Variants in TEX26 observed in about 807,000 individuals in gnomAD.
The protein encoded by TEX26 is testis expressed 26.
In TEX26, 34 loss-of-function variants were observed where a neutral mutation model predicts 35.3. The observed-to-expected ratio is 0.96, with a 90% CI of 0.73 to 1.28. TEX26 has a LOEUF of 1.28. Ranked by LOEUF, TEX26 falls within the 50% of genes most tolerant of loss-of-function variation. The pLI, the probability that TEX26 is intolerant of heterozygous loss-of-function variation, is 0.00. For missense variants in TEX26, 371 were observed against 330.1 expected (o/e 1.12, Z -0.96); for synonymous variants, 136 against 111.8 (o/e 1.22, Z -1.36).
At chr13:30,939,300 T>C (rs1329943739) in intron 1 of TEX26, among the ~76,000 whole-genome samples, 1 of 152,238 alleles carries the variant, frequency 6.6e-6, no homozygotes, top group African/African-American at 2.4e-5. Flanking sequence ...TATGATCCTG[T>C]GTGTGTAAAG....
Position 30,961,447 on chromosome 13 carries a change from T to G in TEX26, c.469+4418T>G, listed in dbSNP as rs574547789. On this transcript the variant is annotated intron_variant, in intron 4 of 6. Coordinates refer to ENST00000380473, the MANE Select transcript of TEX26 (RefSeq NM_152325.3). Reference sequence around the variant, plus strand: ...CTGTAGTGTGGGTTACCTAGTTCACTTCTTTGCTATTATTCCCTGCTGCAG... The same window carrying G: ...CTGTAGTGTGGGTTACCTAGTTCACGTCTTTGCTATTATTCCCTGCTGCAG... Among the ~76,000 whole-genome samples, 4 of 152,364 alleles carry G rather than the reference T, an allele frequency of 2.6e-5. No individual in the cohort carries two copies. In the South Asian group the frequency reaches 8.3e-4, roughly 32 times the overall value.
chr13:30,972,760 A>G (rs1440435833), intron 6 of TEX26, among the ~76,000 whole-genome samples: 2 of 152,192 alleles, frequency 1.3e-5, no homozygotes, highest in Non-Finnish European at 2.9e-5. Context: ...TCAGCTTCCC[A>G]AGCAGCTGGG....
intron 4 of TEX26, among the ~76,000 whole-genome samples, chr13:30,958,709 C>T (rs1311603849): frequency 6.6e-6 from 1 of 152,160 alleles, no homozygotes; most frequent in African/African-American, 2.4e-5. Context: ...TTCCAGTTCT[C>T]TGGCCTTTTC....
chr13:30,971,032 C>T (rs1405250736), intron 6 of TEX26, among the ~76,000 whole-genome samples: 1 of 152,164 alleles, frequency 6.6e-6, no homozygotes, highest in Non-Finnish European at 1.5e-5. Context: ...AGGCTCATGC[C>T]CCAGAGCTTT....
intron 1 of TEX26, among the ~76,000 whole-genome samples, chr13:30,934,631 AG>A (rs1260347905): frequency 6.6e-6 from 1 of 152,170 alleles, no homozygotes. Context: ...TAGTGATGGC[AG>A]TGGCTGCTGC....
intron 2 of TEX26, among the ~76,000 whole-genome samples, chr13:30,945,322 T>A (rs1953665814): frequency 6.6e-6 from 1 of 151,908 alleles, no homozygotes; most frequent in South Asian, 2.1e-4. Context: ...CCTTTTTCCT[T>A]GGGTTTATAT....
intron 1 of TEX26, chr13:30,933,958 C>A (rs984677801): frequency 2.0e-5 from 3 of 152,308 alleles, no homozygotes; most frequent in African/African-American, 7.2e-5. Context: ...AACTCTCTAA[C>A]CTTTATCTCT....
chr13:30,934,661 A>C (rs1953200630), intron 1 of TEX26, among the ~76,000 whole-genome samples: 1 of 152,170 alleles, frequency 6.6e-6, no homozygotes, highest in Non-Finnish European at 1.5e-5. Flanking sequence ...TGGCTGCAGC[A>C]GGGAAGCACA....
intron 2 of TEX26, among the ~76,000 whole-genome samples, chr13:30,944,389 C>A (rs1299024512): frequency 6.6e-6 from 1 of 151,532 alleles, no homozygotes; most frequent in East Asian, 1.9e-4. Context: ...TCAATTTTAC[C>A]TTTTCAAAGA....
chr13:30,937,528 A>T (rs1953320281), intron 1 of TEX26, among the ~76,000 whole-genome samples: 1 of 152,208 alleles, frequency 6.6e-6, no homozygotes, highest in African/African-American at 2.4e-5. Flanking sequence ...TACGAGTGGC[A>T]TGCCTCACAA....
At chr13:30,972,803 T>C (rs554461164) in intron 6 of TEX26, among the ~76,000 whole-genome samples, 3 of 152,278 alleles carry the variant, frequency 2.0e-5, no homozygotes, top group Non-Finnish European at 2.9e-5. Flanking sequence ...CCCAGCTAAT[T>C]TTTTTGTATT....
chr13:30,955,259 G>T (rs1039701791), intron 3 of TEX26, among the ~76,000 whole-genome samples: 1 of 152,214 alleles, frequency 6.6e-6, no homozygotes, highest in East Asian at 1.9e-4. Context: ...GCCATCCTGG[G>T]TGGGGCCACA....
intron 5 of TEX26, 48 bp from the exon 6 acceptor site, chr13:30,968,837 G>A: frequency 6.3e-7 from 1 of 1,579,680 alleles, no homozygotes; most frequent in Non-Finnish European, 8.6e-7. Context: ...AGACTGGTGT[G>A]CTTGGGTGCC....
chr13:30,952,801 G>A lies in TEX26; in HGVS notation c.288G>A (p.Lys96=), dbSNP rs748435471. 1 of 1,612,910 alleles carries A rather than the reference G, an allele frequency of 6.2e-7. No homozygotes were observed. Among genetic ancestry groups the A allele is most frequent in the Non-Finnish European group, 8.5e-7 (1 of 1,179,512 alleles). ...AAACTGAGACTTCAAGAGGAATCAA[G>A]AGCCACAAATCTCATCTCAATGAAG... ...LIKTETSRGI[K]SHKSHLNEDI... is the part of the protein sequence containing the mutation. Residue 96 remains lysine (K), a synonymous_variant, in exon 3 of 7, where the codon AAG becomes AAA. Coordinates refer to ENST00000380473, the MANE Select transcript of TEX26 (RefSeq NM_152325.3).
At chr13:30,966,700 A>T (rs1954549492) in intron 5 of TEX26, among the ~76,000 whole-genome samples, 1 of 151,984 alleles carries the variant, frequency 6.6e-6, no homozygotes, top group Non-Finnish European at 1.5e-5. Flanking sequence ...CGGCCTCCCA[A>T]AGTGCTAGGG....
At chr13:30,963,354 TG>T (rs984209697) in intron 4 of TEX26, among the ~76,000 whole-genome samples, 3 of 152,164 alleles carry the variant, frequency 2.0e-5, no homozygotes, top group Admixed American at 2.0e-4. Flanking sequence ...TTATTATTTT[TG>T]TCCATACTTT....
intron 6 of TEX26, among the ~76,000 whole-genome samples, chr13:30,972,998 A>C (rs57779376): frequency 0.11 from 16,894 of 152,222 alleles, 3,120 homozygotes; most frequent in African/African-American, 0.39. Flanking sequence ...TAAACATATA[A>C]CTACTCCATG....
chr13:30,970,768 T>C (rs1225335525), intron 6 of TEX26, among the ~76,000 whole-genome samples: 2 of 152,170 alleles, frequency 1.3e-5, no homozygotes, highest in East Asian at 1.9e-4. Flanking sequence ...AATCCAACCT[T>C]AGTGGCGCCC....
intron 1 of TEX26, chr13:30,936,973 G>A: frequency 1.0e-6 from 1 of 985,314 alleles, no homozygotes; most frequent in East Asian, 1.1e-4. Context: ...GTCAATGGAG[G>A]TAAAAAGCAT....
Sources: allele counts gnomAD v4.1 joint callset (sites outside exome capture counted in the v4.1 genomes callset), GRCh38; gene constraint gnomAD v4.1.1; transcripts MANE v1.5; gene names NCBI Gene and HGNC (gene_info 2026-07-23, HGNC 2026-07-21).